The following GLCE variants were observed in gnomAD, a reference collection of about 807,000 sequenced individuals.
GLCE encodes glucuronic acid epimerase.
Under a neutral mutation model 47.9 loss-of-function variants are expected in GLCE, and 19 were observed. The ratio of observed to expected loss-of-function variants is 0.40; its 90% CI spans 0.28 to 0.58. The LOEUF (loss-of-function observed/expected upper bound fraction) is 0.58. Ranked by LOEUF, GLCE falls within the 20% of genes least tolerant of loss-of-function variation. The pLI, the probability that GLCE is intolerant of heterozygous loss-of-function variation, is 0.48. For synonymous variants in GLCE, 245 were observed against 263.4 expected, an observed-to-expected ratio of 0.93 and a Z score of 0.68; for missense variants, 556 against 743.3, an observed-to-expected ratio of 0.75 and a Z score of 2.93.
intron 2 of GLCE, among the ~76,000 whole-genome samples, chr15:69,211,406 A>G (rs2052232408): frequency 6.6e-6 from 1 of 152,034 alleles, no homozygotes; most frequent in African/African-American, 2.4e-5. Context: ...AGTAGTGCAA[A>G]TGGTTTAGCA....
chr15:69,250,582 A>C (rs1255772502), intron 2 of GLCE, among the ~76,000 whole-genome samples: 2 of 151,950 alleles, frequency 1.3e-5, no homozygotes, highest in Admixed American at 1.3e-4. Context: ...TCACAGGCGC[A>C]ATCCCACTAC....
chr15:69,168,860 T>C lies in GLCE; in HGVS notation c.-105+8103T>C, dbSNP rs543966257. Among the ~76,000 whole-genome samples, 58 of 152,266 alleles carry C rather than the reference T, an allele frequency of 3.8e-4. No individual in the cohort carries two copies. The South Asian group carries it at 8.9e-3, about 23-fold the overall frequency. On this transcript the variant is annotated intron_variant, in intron 1 of 4. Transcript: ENST00000261858. Reference sequence around the variant, plus strand: ...CCATTCTGTTTTTTAAAAAATTTGATAGGACTCGAAGAAAAAATATATACA... The same window carrying C: ...CCATTCTGTTTTTTAAAAAATTTGACAGGACTCGAAGAAAAAATATATACA...
rs556269737 is a variant in GLCE at position 69,210,323 on chromosome 15, A to T, written c.-97A>T. Reference sequence around the variant, plus strand: ...TCAATTTTGTTTCTCTAGGAATTTGACAAGAAACTGAAGTTTTGATTCAGA... The same window carrying T: ...TCAATTTTGTTTCTCTAGGAATTTGTCAAGAAACTGAAGTTTTGATTCAGA... On this transcript the variant is annotated 5_prime_UTR_variant, in exon 2 of 5. Coordinates refer to ENST00000261858, the MANE Select transcript of GLCE (RefSeq NM_015554.3). 2 of 152,114 alleles carry T rather than the reference A, an allele frequency of 1.3e-5. No individual in the cohort carries two copies. Among genetic ancestry groups the T allele is most frequent in the Non-Finnish European group, 2.9e-5 (2 of 68,006 alleles). The allele number at this position is 152,114 out of a possible 1,614,324, so 9.4% of individuals were successfully genotyped here.
chr15:69,239,754 T>C (rs1242081098), intron 2 of GLCE, among the ~76,000 whole-genome samples: 1 of 152,146 alleles, frequency 6.6e-6, no homozygotes, highest in Non-Finnish European at 1.5e-5. Context: ...CTCCTTATGT[T>C]TGGGGACTAG....
chr15:69,195,705 G>A (rs2051977666), intron 1 of GLCE, among the ~76,000 whole-genome samples: 1 of 152,072 alleles, frequency 6.6e-6, no homozygotes, highest in South Asian at 2.1e-4. Flanking sequence ...TGTATAATGA[G>A]GGTGTTAAAT....
chr15:69,217,611 A>G (rs1325775384), intron 2 of GLCE, among the ~76,000 whole-genome samples: 1 of 152,190 alleles, frequency 6.6e-6, no homozygotes, highest in Non-Finnish European at 1.5e-5. Context: ...GCAGTTTTGC[A>G]TGTATGACAG....
At chr15:69,228,160 A>C (rs778550021) in intron 2 of GLCE, among the ~76,000 whole-genome samples, 7 of 152,132 alleles carry the variant, frequency 4.6e-5, no homozygotes, top group African/African-American at 1.4e-4. Flanking sequence ...TTTATTTTCT[A>C]TGTATCTTCT....
At chr15:69,191,990 T>G (rs2051919821) in intron 1 of GLCE, among the ~76,000 whole-genome samples, 1 of 152,196 alleles carries the variant, frequency 6.6e-6, no homozygotes, top group Non-Finnish European at 1.5e-5. Flanking sequence ...TTTTTACCTC[T>G]GGCTGCTTTA....
chr15:69,260,097 T>A (rs1344192512), intron 3 of GLCE, among the ~76,000 whole-genome samples: 1 of 152,188 alleles, frequency 6.6e-6, no homozygotes, highest in Non-Finnish European at 1.5e-5. Flanking sequence ...TTACATAAGG[T>A]AATCCATTAA....
intron 2 of GLCE, among the ~76,000 whole-genome samples, chr15:69,227,743 A>G (rs2052469602): frequency 6.6e-6 from 1 of 152,216 alleles, no homozygotes. Flanking sequence ...AATATGACTG[A>G]CTAATCTGTA....
At chr15:69,179,154 C>G (rs962734417) in intron 1 of GLCE, among the ~76,000 whole-genome samples, 1 of 152,116 alleles carries the variant, frequency 6.6e-6, no homozygotes, top group Non-Finnish European at 1.5e-5. Context: ...ATAGTTCCTT[C>G]TGAAGAGGGA....
chr15:69,229,092 GCTAT>G (rs1277174788), intron 2 of GLCE, among the ~76,000 whole-genome samples: 1 of 152,156 alleles, frequency 6.6e-6, no homozygotes, highest in Admixed American at 6.5e-5. Flanking sequence ...AGCTGATGAA[GCTAT>G]GCTAATATCA....
At chr15:69,217,960 C>G (rs974242166) in intron 2 of GLCE, among the ~76,000 whole-genome samples, 1 of 150,748 alleles carries the variant, frequency 6.6e-6, no homozygotes, top group Non-Finnish European at 1.5e-5. Flanking sequence ...TCGAGACCAA[C>G]CTGGCCAACA....
intron 2 of GLCE, among the ~76,000 whole-genome samples, chr15:69,250,580 G>A (rs887148731): frequency 1.3e-5 from 2 of 151,418 alleles, no homozygotes; most frequent in Non-Finnish European, 2.9e-5. Context: ...CTTCACAGGC[G>A]CAATCCCACT....
At chr15:69,216,622 AGGCCT>A (rs1188845684) in intron 2 of GLCE, among the ~76,000 whole-genome samples, 8 of 152,088 alleles carry the variant, frequency 5.3e-5, no homozygotes, top group Non-Finnish European at 8.8e-5. Context: ...TTATTTAATT[AGGCCT>A]TTCTATTTGT....
At chr15:69,244,750 A>AT (rs1176220566) in intron 2 of GLCE, among the ~76,000 whole-genome samples, 28 of 152,122 alleles carry the variant, frequency 1.8e-4, no homozygotes, top group Admixed American at 2.0e-4. Flanking sequence ...AATGCACAAA[A>AT]TTTTTTTATC....
chr15:69,185,453 A>G (rs2051808694), intron 1 of GLCE, among the ~76,000 whole-genome samples: 2 of 152,116 alleles, frequency 1.3e-5, no homozygotes, highest in South Asian at 2.1e-4. Context: ...TAAAGTAGAA[A>G]GTGGACTGGG....
At chr15:69,205,764 C>T (rs1040873961) in intron 1 of GLCE, among the ~76,000 whole-genome samples, 1 of 151,940 alleles carries the variant, frequency 6.6e-6, no homozygotes, top group Non-Finnish European at 1.5e-5. Context: ...CGCATTTTGT[C>T]GTATGTTTTG....
chr15:69,161,190 A>G (rs1411260418), intron 1 of GLCE, among the ~76,000 whole-genome samples: 1 of 151,654 alleles, frequency 6.6e-6, no homozygotes, highest in Non-Finnish European at 1.5e-5. Flanking sequence ...CAGTTTAGCA[A>G]GGTTTACACC....
Sources: allele counts gnomAD v4.1 joint callset (sites outside exome capture counted in the v4.1 genomes callset), GRCh38; gene constraint gnomAD v4.1.1; transcripts MANE v1.5; gene names NCBI Gene and HGNC (gene_info 2026-07-23, HGNC 2026-07-21).